The following TECPR2 variants were observed in gnomAD, a reference collection of about 807,000 sequenced individuals.
TECPR2 encodes tectonin beta-propeller repeat containing 2, also known as tectonin beta-propeller repeat-containing protein 2.
In TECPR2, 65 loss-of-function variants were observed where a neutral mutation model predicts 138.1. That is an observed-to-expected ratio of 0.47 (90% CI 0.39 to 0.58). TECPR2 has a LOEUF of 0.58. Among genes scored for constraint, TECPR2 ranks in the 20% least tolerant of loss-of-function variants. The pLI, the probability that TECPR2 is intolerant of heterozygous loss-of-function variation, is 0.00. For missense variants in TECPR2, 1,553 were observed against 1,824.5 expected, an observed-to-expected ratio of 0.85 and a Z score of 2.71; for synonymous variants, 746 against 749.8, an observed-to-expected ratio of 0.99 and a Z score of 0.08.
intron 17 of TECPR2, among the ~76,000 whole-genome samples, chr14:102,487,435 T>C (rs934816907): frequency 6.6e-6 from 1 of 152,258 alleles, no homozygotes; most frequent in African/African-American, 2.4e-5. Context: ...TGTGAGTGTG[T>C]GTGTGCGTGC....
intron 7 of TECPR2, among the ~76,000 whole-genome samples, chr14:102,431,202 C>A (rs1456901046): frequency 6.7e-6 from 1 of 148,466 alleles, no homozygotes; most frequent in African/African-American, 2.5e-5. Context: ...TTTTGAGACT[C>A]CGTCTCAAAA....
At chr14:102,480,061 C>T (rs1377366076) in intron 17 of TECPR2, among the ~76,000 whole-genome samples, 1 of 152,150 alleles carries the variant, frequency 6.6e-6, no homozygotes, top group Non-Finnish European at 1.5e-5. Context: ...TGCTTAAACT[C>T]GCCTTTCACT....
intron 17 of TECPR2, among the ~76,000 whole-genome samples, chr14:102,474,910 C>G (rs1701163284): frequency 6.6e-6 from 1 of 152,160 alleles, no homozygotes; most frequent in African/African-American, 2.4e-5. Context: ...TTGCCACTTC[C>G]TTCTGCAGAT....
intron 16 of TECPR2, among the ~76,000 whole-genome samples, chr14:102,460,562 C>T (rs950452368): frequency 2.0e-5 from 3 of 150,416 alleles, no homozygotes; most frequent in South Asian, 2.1e-4. Flanking sequence ...TGTAGTGAGC[C>T]GAGATCACGC....
chr14:102,457,869 C>CTTTTTCTTTTTTTTTTT (rs1890311978), intron 16 of TECPR2, among the ~76,000 whole-genome samples: 1 of 102,772 alleles, frequency 9.7e-6, no homozygotes, highest in Non-Finnish European at 1.9e-5. Context: ...ACTAAATTCC[C>CTTTTTCTTTTTTTTTTT]TTTTTTTTTT....
intron 16 of TECPR2, among the ~76,000 whole-genome samples, chr14:102,454,726 G>A (rs1286771459): frequency 6.6e-6 from 1 of 152,212 alleles, no homozygotes; most frequent in African/African-American, 2.4e-5. Context: ...AGGGTAAAAA[G>A]TCCAGGGCTT....
chr14:102,394,286 C>T (rs1226942106), intron 2 of TECPR2, among the ~76,000 whole-genome samples: 1 of 152,132 alleles, frequency 6.6e-6, no homozygotes, highest in South Asian at 2.1e-4. Context: ...AATCCTGACT[C>T]TTGATTTTCA....
chr14:102,488,162 A>C (rs762528984), intron 17 of TECPR2, among the ~76,000 whole-genome samples: 1 of 151,448 alleles, frequency 6.6e-6, no homozygotes, highest in Non-Finnish European at 1.5e-5. Flanking sequence ...ATTTTTATGA[A>C]GTTTTTAATA....
chr14:102,466,403 A>G (rs1398113079), intron 17 of TECPR2, among the ~76,000 whole-genome samples: 2 of 152,200 alleles, frequency 1.3e-5, no homozygotes, highest in African/African-American at 4.8e-5. Flanking sequence ...ATTATAACAC[A>G]TGCTCTGTTT....
chr14:102,465,767 C>T (rs1890539282), intron 17 of TECPR2: 1 of 518,908 alleles, frequency 1.9e-6, no homozygotes, highest in South Asian at 8.4e-5. Flanking sequence ...TGCCATGTTT[C>T]AGCTGACCGT....
intron 1 of TECPR2, among the ~76,000 whole-genome samples, chr14:102,363,865 A>G (rs780611382): frequency 2.6e-5 from 4 of 152,212 alleles, no homozygotes; most frequent in Admixed American, 6.5e-5. Flanking sequence ...TGTACATTTC[A>G]GTAAAGGGGA....
At chr14:102,465,412 C>A in intron 17 of TECPR2, 123 bp downstream of exon 17, 1 of 1,455,346 alleles carries the variant, frequency 6.9e-7, no homozygotes, top group Non-Finnish European at 9.0e-7. Context: ...GGGAGCCATG[C>A]CCCCAGGGTC....
rs1888382966 is a variant in TECPR2, at chr14:102,398,609, C to T, written c.220-8729C>T. On this transcript the variant is annotated intron_variant, in intron 2 of 19. Coordinates refer to ENST00000359520, the MANE Select transcript of TECPR2 (RefSeq NM_014844.5). ...GGATTCAGTGGCTCACACCTGTAAT[C>T]CCAGCACTTTGGGAGGACAAGGCAG... is the stretch of plus-strand genomic sequence containing the variant. 2.6e-5 allele frequency among the ~76,000 whole-genome samples: 4 copies of T among 152,196 alleles called. No homozygotes were observed. In the South Asian group the frequency reaches 8.3e-4, roughly 32 times the overall value.
chr14:102,459,727 CT>C (rs1483327683), intron 16 of TECPR2, among the ~76,000 whole-genome samples: 1 of 152,150 alleles, frequency 6.6e-6, no homozygotes, highest in Non-Finnish European at 1.5e-5. Context: ...TGCCATTGTA[CT>C]CCAGCCTGGG....
intron 6 of TECPR2, 132 bp from the exon 7 acceptor site, chr14:102,428,118 G>A (rs1739006876): frequency 8.0e-7 from 1 of 1,251,196 alleles, no homozygotes. Flanking sequence ...GGAATTTTCA[G>A]AAAGTTACCA....
At chr14:102,465,355 T>C in intron 17 of TECPR2, 66 bp downstream of exon 17, 1 of 1,587,568 alleles carries the variant, frequency 6.3e-7, no homozygotes. Context: ...ATGCTGGTAC[T>C]GGGAAAAAGG....
intron 9 of TECPR2, 64 bp from the exon 10 acceptor site, chr14:102,437,958 A>G: frequency 6.5e-7 from 1 of 1,544,642 alleles, no homozygotes; most frequent in African/African-American, 1.4e-5. Context: ...TTTCTTACTG[A>G]GAACAGTAAG....
chr14:102,398,787 C>A (rs147971639), intron 2 of TECPR2, among the ~76,000 whole-genome samples: 1 of 151,954 alleles, frequency 6.6e-6, no homozygotes, highest in South Asian at 2.1e-4. Context: ...CCTGGAAGGT[C>A]GAGGCTGCAG....
At chr14:102,405,084 G>A (rs1595105384) in intron 2 of TECPR2, among the ~76,000 whole-genome samples, 2 of 152,118 alleles carry the variant, frequency 1.3e-5, no homozygotes, top group South Asian at 4.2e-4. Flanking sequence ...CAGGCAGGCG[G>A]ATCACTTGAG....
Sources: allele counts gnomAD v4.1 joint callset (sites outside exome capture counted in the v4.1 genomes callset), GRCh38; gene constraint gnomAD v4.1.1; transcripts MANE v1.5; gene names NCBI Gene and HGNC (gene_info 2026-07-23, HGNC 2026-07-21).